The following EMC3 variants were observed in gnomAD, a reference collection of about 807,000 sequenced individuals.
EMC3 encodes 30 kDa protein.
In EMC3, 13 loss-of-function variants were observed where a neutral mutation model predicts 36.6. The observed-to-expected ratio is 0.35, with a 90% confidence interval of 0.23 to 0.56. The LOEUF is 0.56. Ranked by LOEUF, EMC3 falls within the 20% of genes least tolerant of loss-of-function variation. The pLI is 0.84. For synonymous variants in EMC3, 120 were observed against 111.9 expected, an observed-to-expected ratio of 1.07 and a Z score of -0.46; for missense variants, 220 against 324.5, an observed-to-expected ratio of 0.68 and a Z score of 2.47.
At chr3:10,003,067 G>T (rs2124939787) in intron 1 of EMC3, 1 of 456,444 alleles carries the variant, frequency 2.2e-6, no homozygotes, top group Non-Finnish European at 4.4e-6. Flanking sequence ...TGACCCTGTG[G>T]CCTACCCCTA....
upstream of EMC3, chr3:9,986,917 G>C: frequency 7.8e-7 from 1 of 1,278,164 alleles, no homozygotes; most frequent in African/African-American, 1.5e-5. Flanking sequence ...CGGGAAAGTG[G>C]AAAACTATCG....
At chr3:9,990,225 G>A (rs1177230309), upstream of EMC3, among the ~76,000 whole-genome samples, 5 of 149,500 alleles carry the variant, frequency 3.3e-5, no homozygotes, top group East Asian at 4.0e-4. Context: ...GGGGTTTCAC[G>A]TTGTTAGCCA....
chr3:9,978,797 C>G (rs1157721997), intron 1 of EMC3, among the ~76,000 whole-genome samples: 1 of 152,132 alleles, frequency 6.6e-6, no homozygotes, highest in Non-Finnish European at 1.5e-5. Flanking sequence ...CGCCATTGCA[C>G]TCCAGCCTGG....
At chr3:9,979,578 C>T (rs926083341) in intron 1 of EMC3, among the ~76,000 whole-genome samples, 1 of 152,202 alleles carries the variant, frequency 6.6e-6, no homozygotes, top group Non-Finnish European at 1.5e-5. Context: ...TCTTGAACTT[C>T]TAAGTGCCAG....
At chr3:9,990,727 C>T (rs903799428), upstream of EMC3, among the ~76,000 whole-genome samples, 1 of 151,722 alleles carries the variant, frequency 6.6e-6, no homozygotes, top group African/African-American at 2.4e-5. Flanking sequence ...CCAGGCTAGT[C>T]TCAAACTCCT....
At chr3:10,002,533 G>A (rs1019463019) in intron 1 of EMC3, among the ~76,000 whole-genome samples, 7 of 151,990 alleles carry the variant, frequency 4.6e-5, no homozygotes, top group African/African-American at 1.7e-4. Flanking sequence ...CAATCCACCC[G>A]CCTCAGCCTC....
chr3:9,969,941 C>T, intron 6 of EMC3, 140 bp from the exon 7 acceptor site: 4 of 1,385,936 alleles, frequency 2.9e-6, no homozygotes, highest in Non-Finnish European at 3.8e-6. Context: ...GGCTATGTGA[C>T]TCTAGGAAAG....
At chr3:9,978,613 C>T (rs13321998) in intron 1 of EMC3, among the ~76,000 whole-genome samples, 4 of 151,960 alleles carry the variant, frequency 2.6e-5, no homozygotes, top group South Asian at 2.1e-4. Flanking sequence ...GGGCGGATCA[C>T]GAGGTCAGGA....
intron 1 of EMC3, chr3:10,002,630 C>G: frequency 2.7e-6 from 1 of 369,780 alleles, no homozygotes; most frequent in Non-Finnish European, 5.3e-6. Flanking sequence ...GCCTCCCCCT[C>G]CACCCAGAGC....
At chr3:9,994,816 C>T (rs1261967454) in intron 1 of EMC3, among the ~76,000 whole-genome samples, 3 of 152,142 alleles carry the variant, frequency 2.0e-5, no homozygotes, top group Admixed American at 6.5e-5. Flanking sequence ...AGGTGATTCA[C>T]CTGCCTCGCC....
chr3:9,962,715 C>T lies in EMC3; in HGVS notation c.*1354G>A, dbSNP rs956660965. The T allele has an allele frequency of 1.3e-5, 2 of 152,468 alleles. No homozygotes were observed. The highest frequency in any genetic ancestry group is 1.9e-4 in the East Asian group (1 of 5,200). The allele number at this position is 152,468 out of a possible 1,614,324, so 9.4% of individuals were successfully genotyped here. On this transcript the variant is annotated 3_prime_UTR_variant, in exon 8 of 8. Transcript: ENST00000245046. ...AACAGGACGGTTTAATTTGTGGAGT[C>T]GAGTCGTTTGTTCTTAATTACTGCA...
At chr3:9,992,594 CTT>C (rs2086068677) in intron 1 of EMC3, among the ~76,000 whole-genome samples, 1 of 152,126 alleles carries the variant, frequency 6.6e-6, no homozygotes, top group Non-Finnish European at 1.5e-5. Flanking sequence ...GTGATTGAAT[CTT>C]TTAATAAATG....
chr3:9,988,019 A>G (rs985642183), upstream of EMC3: 6 of 806,756 alleles, frequency 7.4e-6, no homozygotes, highest in Admixed American at 9.2e-5. Context: ...TAAAGAGCTC[A>G]TGGATAATTG....
In EMC3 at chr3:9,973,611, CA is replaced by C. The variant is rs747942959; in HGVS notation, c.494+16del. On this transcript the variant is annotated intron_variant, in intron 5 of 7. Transcript: ENST00000245046. ...AAGTGTGGTTTGTGTTTTTATTAAA[CA>C]AAAGAAAGTTCTTACCAGGATGCAT... 1.9e-6 allele frequency: 3 copies of C among 1,611,838 alleles called. No homozygotes were observed. The East Asian group carries it at 6.7e-5, about 36-fold the overall frequency.
intron 1 of EMC3, among the ~76,000 whole-genome samples, chr3:9,984,548 C>G (rs528271123): frequency 6.6e-6 from 1 of 151,634 alleles, no homozygotes; most frequent in Admixed American, 6.6e-5. Flanking sequence ...CAGCATACCA[C>G]GCTCAGCTAA....
At chr3:9,996,478 A>G (rs773183172) in intron 1 of EMC3, among the ~76,000 whole-genome samples, 86 of 151,782 alleles carry the variant, frequency 5.7e-4, no homozygotes, top group Middle Eastern at 3.4e-3. Flanking sequence ...TAAAACAAAA[A>G]GAAGAGATTA....
chr3:10,003,039 T>A (rs1424094516), intron 1 of EMC3: 3 of 453,764 alleles, frequency 6.6e-6, no homozygotes, highest in African/African-American at 6.1e-5. Flanking sequence ...CATCCCAGGC[T>A]CAACAAGCCG....
intron 1 of EMC3, chr3:10,000,922 A>G (rs2086191084): frequency 7.2e-6 from 3 of 419,264 alleles, no homozygotes; most frequent in African/African-American, 4.1e-5. Context: ...CTGAACAAAA[A>G]TCTTGCTTTT....
intron 1 of EMC3, among the ~76,000 whole-genome samples, chr3:9,996,468 TAAAAC>T (rs1255247000): frequency 2.6e-5 from 4 of 151,804 alleles, no homozygotes; most frequent in Non-Finnish European, 5.9e-5. Context: ...TAAATAAAAA[TAAAAC>T]AAAAAGAAGA....
Sources: allele counts gnomAD v4.1 joint callset (sites outside exome capture counted in the v4.1 genomes callset), GRCh38; gene constraint gnomAD v4.1.1; transcripts MANE v1.5; gene names NCBI Gene and HGNC (gene_info 2026-07-23, HGNC 2026-07-21).